The following TRAF5 variants were observed in gnomAD, a reference collection of about 807,000 sequenced individuals.
TRAF5 encodes TNF receptor associated factor 5.
In TRAF5, 48 loss-of-function variants were observed where a neutral mutation model predicts 64.5. The ratio of observed to expected loss-of-function variants is 0.74; its 90% confidence interval spans 0.59 to 0.95. The LOEUF (loss-of-function observed/expected upper bound fraction) is 0.95. Ranked by LOEUF, TRAF5 falls within the 40% of genes least tolerant of loss-of-function variation. TRAF5 has a pLI of 0.00. For synonymous variants in TRAF5, 206 were observed against 240.5 expected, an observed-to-expected ratio of 0.86 and a Z score of 1.33; for missense variants, 545 against 662.8, an observed-to-expected ratio of 0.82 and a Z score of 1.95.
intron 1 of TRAF5, among the ~76,000 whole-genome samples, chr1:211,338,258 C>T (rs1169957868): frequency 7.9e-5 from 12 of 152,212 alleles, no homozygotes; most frequent in Admixed American, 7.9e-4. Flanking sequence ...GGTCCCCCTT[C>T]CTCTGGGGTA....
rs139911033 is a variant in TRAF5, at chr1:211,364,855, C to A, written c.697-521C>A. 5.4e-3 allele frequency among the ~76,000 whole-genome samples: 821 copies of A among 152,160 alleles called. 4 individuals are homozygous for A. The highest frequency in any genetic ancestry group is 0.019 in the African/African-American group (786 of 41,504). On this transcript the variant is annotated intron_variant, in intron 7 of 10. Coordinates refer to ENST00000261464, the MANE Select transcript of TRAF5 (RefSeq NM_001033910.3). Reference sequence around the variant, plus strand: ...TGAGAATTTTGATATTGGCCTGATTCTCTGTCTCATGGATATTGTAGAATC... The same window carrying A: ...TGAGAATTTTGATATTGGCCTGATTATCTGTCTCATGGATATTGTAGAATC...
chr1:211,356,885 C>T (rs1390597745), intron 4 of TRAF5: 4 of 164,786 alleles, frequency 2.4e-5, no homozygotes, highest in East Asian at 1.7e-4. Context: ...TTGGTGCTGT[C>T]GTAGGTGTTT....
In TRAF5 at chr1:211,349,573, C is replaced by T. The variant is rs529385845; in HGVS notation, c.-1-3666C>T. Among the ~76,000 whole-genome samples, 9 of 152,330 alleles carry T rather than the reference C, an allele frequency of 5.9e-5. 1 individual carries two copies. The South Asian group carries it at 1.7e-3, about 28-fold the overall frequency. ...GGTCCCACCTCTTAATACTATCACACTGGACCTTAGGTTTCAATATACGAA... is the reference window on the plus strand; with the variant it reads ...GGTCCCACCTCTTAATACTATCACATTGGACCTTAGGTTTCAATATACGAA... On this transcript the variant is annotated intron_variant, in intron 1 of 10. Transcript: ENST00000261464.
intron 4 of TRAF5, 63 bp from the exon 5 acceptor site, chr1:211,359,849 A>G (rs1261972761): frequency 1.9e-6 from 3 of 1,603,838 alleles, no homozygotes; most frequent in Non-Finnish European, 2.6e-6. Flanking sequence ...TAGGCCTTCC[A>G]GCTGACTTCT....
At position 211,371,674 on chromosome 1, in the gene TRAF5, T is replaced by G. The variant is rs116598609; in HGVS notation, c.1099+204T>G. ...CACAAGGGGGGTTGAGGGACTGGGC[T>G]AGGAAATTCCAAGACTGGAAACAGG... On this transcript the variant is annotated intron_variant, in intron 10 of 10. Transcript: ENST00000261464. 2.4e-3 allele frequency among the ~76,000 whole-genome samples: 369 copies of G among 152,268 alleles called. 2 individuals are homozygous for G. The highest frequency in any genetic ancestry group is 8.6e-3 in the African/African-American group (356 of 41,570).
At chr1:211,352,183 TG>T (rs1328096296) in intron 1 of TRAF5, among the ~76,000 whole-genome samples, 1 of 152,126 alleles carries the variant, frequency 6.6e-6, no homozygotes, top group East Asian at 1.9e-4. Flanking sequence ...TCCATGTGGC[TG>T]CAGACGCCTC....
chr1:211,349,020 T>G lies in TRAF5; in HGVS notation c.-1-4219T>G, dbSNP rs1010600146. Among the ~76,000 whole-genome samples, 5 of 114,074 alleles carry G rather than the reference T, an allele frequency of 4.4e-5. No homozygotes were observed. In the East Asian group the frequency reaches 7.2e-4, roughly 16 times the overall value. 74.8% of individuals were successfully genotyped at this position (114,074 alleles called of 152,430 possible). ...TTCAAGACCAGGCTGGGCAACATAGTGAGACTCTGTCTCTAAAAAAAAAAA... is the reference window on the plus strand; with the variant it reads ...TTCAAGACCAGGCTGGGCAACATAGGGAGACTCTGTCTCTAAAAAAAAAAA... On this transcript the variant is annotated intron_variant, in intron 1 of 10. Coordinates refer to ENST00000261464, the MANE Select transcript of TRAF5 (RefSeq NM_001033910.3).
intron 10 of TRAF5, 26 bp from the exon 11 acceptor site, chr1:211,372,102 T>G (rs1005986020): frequency 3.7e-6 from 1 of 267,954 alleles, no homozygotes; most frequent in South Asian, 6.3e-5. Context: ...TATGGAATCT[T>G]TTTTTTTTTT....
At chr1:211,345,661 A>G (rs1217432753) in intron 1 of TRAF5, among the ~76,000 whole-genome samples, 1 of 152,202 alleles carries the variant, frequency 6.6e-6, no homozygotes, top group Non-Finnish European at 1.5e-5. Context: ...ATGCTGCTCA[A>G]GTGGGTATTA....
intron 8 of TRAF5, among the ~76,000 whole-genome samples, chr1:211,367,244 G>A (rs140802335): frequency 2.0e-4 from 31 of 152,242 alleles, no homozygotes; most frequent in African/African-American, 7.2e-4. Flanking sequence ...GCCCAAAGCG[G>A]TTTGTTTGTT....
chr1:211,363,163 C>T (rs774355494), intron 7 of TRAF5, among the ~76,000 whole-genome samples: 2 of 152,128 alleles, frequency 1.3e-5, no homozygotes, highest in Non-Finnish European at 2.9e-5. Flanking sequence ...AATGAATCCA[C>T]ACATTGACCC....
At chr1:211,353,804 A>G (rs1702872464) in intron 2 of TRAF5, among the ~76,000 whole-genome samples, 1 of 152,216 alleles carries the variant, frequency 6.6e-6, no homozygotes, top group African/African-American at 2.4e-5. Context: ...GCCTTGAGGC[A>G]GAGGTGCTGT....
intron 1 of TRAF5, among the ~76,000 whole-genome samples, chr1:211,341,986 CT>C (rs1289936262): frequency 6.6e-6 from 1 of 152,118 alleles, no homozygotes; most frequent in African/African-American, 2.4e-5. Flanking sequence ...AATAATAGCC[CT>C]TATGACACCT....
At chr1:211,358,744 AC>A (rs1373754604) in intron 4 of TRAF5, 1 of 148,856 alleles carries the variant, frequency 6.7e-6, no homozygotes, top group Non-Finnish European at 1.5e-5. Context: ...AATGTGAAGA[AC>A]CCTGGAATGA....
rs376192665 is a variant in TRAF5 at position 211,347,091 on chromosome 1, GT to G, written c.-1-6138del. ...GCTCTATTTTTAGCAGTTTTGATAT[GT>G]TTTTTTTTTCCTGACTTGCAAGAAC... On this transcript the variant is annotated intron_variant, in intron 1 of 10. Transcript: ENST00000261464. Among the ~76,000 whole-genome samples, 137 of 149,076 alleles carry G rather than the reference GT, an allele frequency of 9.2e-4. 1 individual carries two copies. The East Asian group carries it at 0.019, about 21-fold the overall frequency.
At chr1:211,353,589 C>A in intron 2 of TRAF5, 132 bp downstream of exon 2, 2 of 853,906 alleles carry the variant, frequency 2.3e-6, no homozygotes, top group Non-Finnish European at 3.6e-6. Flanking sequence ...TAAGGAAGGA[C>A]TCTCCCAGAT....
chr1:211,344,555 C>A (rs1035984716), intron 1 of TRAF5, among the ~76,000 whole-genome samples: 3 of 152,084 alleles, frequency 2.0e-5, no homozygotes, highest in Non-Finnish European at 4.4e-5. Flanking sequence ...TGGAAAATGG[C>A]CTTATTGGTT....
chr1:211,364,844 T>G (rs943334321), intron 7 of TRAF5, among the ~76,000 whole-genome samples: 2 of 152,094 alleles, frequency 1.3e-5, no homozygotes, highest in South Asian at 4.1e-4. Flanking sequence ...AATTTTGATA[T>G]TGGCCTGATT....
chr1:211,354,327 A>G, intron 2 of TRAF5, 83 bp from the exon 3 acceptor site: 2 of 1,352,366 alleles, frequency 1.5e-6, no homozygotes. Flanking sequence ...GGGCTAGAGC[A>G]TGGCTGGAGC....
Sources: allele counts gnomAD v4.1 joint callset (sites outside exome capture counted in the v4.1 genomes callset), GRCh38; gene constraint gnomAD v4.1.1; transcripts MANE v1.5; gene names NCBI Gene and HGNC (gene_info 2026-07-23, HGNC 2026-07-21).